Variants in CPEB4 observed in about 807,000 individuals in gnomAD.
CPEB4 encodes the protein cytoplasmic polyadenylation element-binding protein 4.
A neutral mutation model predicts 72.5 loss-of-function variants in CPEB4; 12 were observed. The ratio of observed to expected loss-of-function variants is 0.17; its 90% CI spans 0.11 to 0.27. The LOEUF (loss-of-function observed/expected upper bound fraction) is 0.27. Ranked by LOEUF, CPEB4 falls within the 10% of genes least tolerant of loss-of-function variation. CPEB4 has a pLI of 1.00. For synonymous variants in CPEB4, 302 were observed against 326.3 expected, an observed-to-expected ratio of 0.93 and a Z score of 0.80; for missense variants, 614 against 908.5, an observed-to-expected ratio of 0.68 and a Z score of 4.17.
Position 173,905,060 on chromosome 5 carries a change from G to GT in CPEB4, c.1126-5460dup, listed in dbSNP as rs1050208012. Among the ~76,000 whole-genome samples the GT allele has an allele frequency of 6.0e-5, 9 of 150,776 alleles. No homozygotes were observed. The East Asian group carries it at 9.7e-4, about 16-fold the overall frequency. On this transcript the variant is annotated intron_variant, in intron 1 of 9. Coordinates refer to ENST00000265085, the MANE Select transcript of CPEB4 (RefSeq NM_030627.4). The stretch of plus-strand genomic sequence containing the variant: ...AGATTTGAGGATTAATTAAGACAGT[G>GT]TTTATCAAGTACCTAGAATAATATC...
At chr5:173,928,747 A>G (rs1200410670) in intron 2 of CPEB4, among the ~76,000 whole-genome samples, 4 of 152,200 alleles carry the variant, frequency 2.6e-5, no homozygotes, top group African/African-American at 9.7e-5. Flanking sequence ...CCAAATTCCC[A>G]TGGCACTTTT....
At chr5:173,907,316 A>C (rs1756478019) in intron 1 of CPEB4, among the ~76,000 whole-genome samples, 1 of 152,222 alleles carries the variant, frequency 6.6e-6, no homozygotes, top group African/African-American at 2.4e-5. Flanking sequence ...GTAGAAAAAC[A>C]AAAACAAAAA....
chr5:173,952,262 T>TG (rs1758237895), intron 8 of CPEB4, among the ~76,000 whole-genome samples: 1 of 152,226 alleles, frequency 6.6e-6, no homozygotes, highest in South Asian at 2.1e-4. Context: ...AGTCTAGTGT[T>TG]GCATAATGCT....
At chr5:173,897,696 G>A (rs1195869480) in intron 1 of CPEB4, among the ~76,000 whole-genome samples, 1 of 152,068 alleles carries the variant, frequency 6.6e-6, no homozygotes, top group Non-Finnish European at 1.5e-5. Flanking sequence ...ACAAAAAATT[G>A]TATAAATGGC....
chr5:173,927,231 C>G (rs575539162), intron 2 of CPEB4, among the ~76,000 whole-genome samples: 1 of 152,274 alleles, frequency 6.6e-6, no homozygotes, highest in Admixed American at 6.5e-5. Context: ...TATTAATATT[C>G]AGACATCTCA....
At chr5:173,941,171 C>T (rs182998986) in intron 3 of CPEB4, among the ~76,000 whole-genome samples, 3 of 152,274 alleles carry the variant, frequency 2.0e-5, no homozygotes, top group African/African-American at 4.8e-5. Context: ...TTAAGATTTT[C>T]AAATCGTTAC....
At chr5:173,917,631 C>A (rs1756919288) in intron 2 of CPEB4, among the ~76,000 whole-genome samples, 1 of 152,194 alleles carries the variant, frequency 6.6e-6, no homozygotes, top group Admixed American at 6.5e-5. Flanking sequence ...GAGGCTGAGG[C>A]AGGAGAACCG....
chr5:173,933,354 A>T (rs1047228103), intron 3 of CPEB4, among the ~76,000 whole-genome samples: 1 of 152,228 alleles, frequency 6.6e-6, no homozygotes, highest in African/African-American at 2.4e-5. Context: ...TATGTTGTGA[A>T]TGAGGAGTTA....
chr5:173,961,699 T>C lies in CPEB4; in HGVS notation c.*5562T>C, dbSNP rs929566199. 5 of 148,954 alleles carry C rather than the reference T, an allele frequency of 3.4e-5. No homozygotes were observed. The highest frequency in any genetic ancestry group is 1.2e-4 in the African/African-American group (5 of 40,046). 9.2% of individuals were successfully genotyped at this position (148,954 alleles called of 1,614,324 possible). ...TTGTGTCCACAGCTAGATCAGAAAG[T>C]AAGTACTTTTTCTAGGGATTTTTTT... On this transcript the variant is annotated 3_prime_UTR_variant, in exon 10 of 10. Coordinates refer to ENST00000265085, the MANE Select transcript of CPEB4 (RefSeq NM_030627.4).
At chr5:173,936,912 C>CA (rs1258247516) in intron 3 of CPEB4, among the ~76,000 whole-genome samples, 5 of 147,472 alleles carry the variant, frequency 3.4e-5, no homozygotes, top group South Asian at 2.1e-4. Flanking sequence ...AGTTATAGAG[C>CA]AAAAAAAACG....
intron 3 of CPEB4, among the ~76,000 whole-genome samples, chr5:173,935,611 C>G (rs1757593031): frequency 6.6e-6 from 1 of 152,130 alleles, no homozygotes; most frequent in Non-Finnish European, 1.5e-5. Context: ...TGTTTATTCT[C>G]TTTCTCACAT....
At chr5:173,924,436 C>T (rs139154048) in intron 2 of CPEB4, among the ~76,000 whole-genome samples, 1 of 152,228 alleles carries the variant, frequency 6.6e-6, no homozygotes, top group East Asian at 1.9e-4. Context: ...TGAAATATCC[C>T]CCAGATTTGC....
At chr5:173,899,881 C>T (rs991741749) in intron 1 of CPEB4, among the ~76,000 whole-genome samples, 2 of 152,084 alleles carry the variant, frequency 1.3e-5, no homozygotes, top group Middle Eastern at 3.2e-3. Context: ...CTATGGCAAA[C>T]GTGATACTTC....
intron 8 of CPEB4, among the ~76,000 whole-genome samples, chr5:173,952,390 C>T (rs1051586792): frequency 6.6e-6 from 1 of 152,182 alleles, no homozygotes; most frequent in South Asian, 2.1e-4. Context: ...ACTGACTGAG[C>T]TCTGGGATAT....
chr5:173,913,151 C>T (rs1756728231), intron 2 of CPEB4, among the ~76,000 whole-genome samples: 1 of 151,670 alleles, frequency 6.6e-6, no homozygotes, highest in African/African-American at 2.4e-5. Flanking sequence ...AAGAAGCAAG[C>T]CTCTAACTAA....
intron 2 of CPEB4, chr5:173,910,837 G>A: frequency 2.2e-6 from 1 of 448,466 alleles, no homozygotes; most frequent in South Asian, 4.1e-5. Context: ...TAATTGCCAA[G>A]AATGGGCAAT....
chr5:173,899,771 T>C (rs1196337202), intron 1 of CPEB4, among the ~76,000 whole-genome samples: 1 of 152,218 alleles, frequency 6.6e-6, no homozygotes, highest in Admixed American at 6.5e-5. Flanking sequence ...TTGGGGTCCC[T>C]TGCAGACTTT....
intron 1 of CPEB4, among the ~76,000 whole-genome samples, chr5:173,906,335 G>A (rs1031362251): frequency 3.3e-5 from 5 of 152,112 alleles, no homozygotes; most frequent in Admixed American, 3.3e-4. Context: ...TAAATTAGTT[G>A]TTAAAAATGG....
rs554397380 is a variant in CPEB4 at position 173,891,972 on chromosome 5, T to TA, written c.1125+1125dup. On this transcript the variant is annotated intron_variant, in intron 1 of 9. Coordinates refer to ENST00000265085, the MANE Select transcript of CPEB4 (RefSeq NM_030627.4). ...GCTGGTCAGAGTACAAATTCTAAGT[T>TA]AAAAAAAAAAACAAACCCAAGGATT... 8.2e-3 allele frequency among the ~76,000 whole-genome samples: 1,189 copies of TA among 144,492 alleles called. 9 individuals are homozygous for TA. The highest frequency in any genetic ancestry group is 0.039 in the Middle Eastern group (11 of 282). 94.8% of individuals were successfully genotyped at this position (144,492 alleles called of 152,430 possible).
Sources: allele counts gnomAD v4.1 joint callset (sites outside exome capture counted in the v4.1 genomes callset), GRCh38; gene constraint gnomAD v4.1.1; transcripts MANE v1.5; gene names NCBI Gene and HGNC (gene_info 2026-07-23, HGNC 2026-07-21).